GRPEL1: variants seen among roughly 807,000 people sequenced by gnomAD.
The protein encoded by GRPEL1 is grpE protein homolog 1, mitochondrial.
Under a neutral mutation model 22.1 loss-of-function variants are expected in GRPEL1, and 13 were observed. The observed-to-expected ratio is 0.59, with a 90% CI of 0.38 to 0.94. GRPEL1 has a LOEUF of 0.94. Among genes scored for constraint, GRPEL1 ranks in the 40% least tolerant of loss-of-function variants. The pLI, the probability that GRPEL1 is intolerant of heterozygous loss-of-function variation, is 0.00. For synonymous variants in GRPEL1, 109 were observed against 105.3 expected, an observed-to-expected ratio of 1.03 and a Z score of -0.21; for missense variants, 289 against 264.6, an observed-to-expected ratio of 1.09 and a Z score of -0.64.
intron 1 of GRPEL1, among the ~76,000 whole-genome samples, chr4:7,066,706 C>T (rs1456038119): frequency 2.0e-5 from 3 of 152,186 alleles, no homozygotes; most frequent in Admixed American, 6.5e-5. Flanking sequence ...GACCCCTTTC[C>T]GAAGCACAGC....
rs76287630 is a variant in GRPEL1, at chr4:7,063,109, T to C, written c.226-643A>G. On this transcript the variant is annotated intron_variant, in intron 2 of 3. Transcript: ENST00000264954. ...ACTCATCTGAGCCTTTTTTTTTTTT[T>C]TCTGAGACAGGGTCTTGCTCTATCA... is the stretch of plus-strand genomic sequence containing the variant. Among the ~76,000 whole-genome samples, 14 of 152,146 alleles carry C rather than the reference T, an allele frequency of 9.2e-5. 1 individual carries two copies. In the East Asian group the frequency reaches 2.3e-3, roughly 25 times the overall value.
intron 1 of GRPEL1, among the ~76,000 whole-genome samples, chr4:7,065,457 T>C (rs1180352107): frequency 6.8e-6 from 1 of 147,318 alleles, no homozygotes; most frequent in Non-Finnish European, 1.5e-5. Context: ...CAGGTTGAGG[T>C]GAGCTGAGAT....
chr4:7,067,693 G>T, intron 1 of GRPEL1: 1 of 510,932 alleles, frequency 2.0e-6, no homozygotes, highest in Non-Finnish European at 3.4e-6. Flanking sequence ...GCGCACGTGG[G>T]CCACCGTACC....
At chr4:7,067,688 C>G in intron 1 of GRPEL1, 2 of 506,480 alleles carry the variant, frequency 3.9e-6, no homozygotes, top group Non-Finnish European at 3.5e-6. Flanking sequence ...CACACGCGCA[C>G]GTGGGCCACC....
intron 2 of GRPEL1, among the ~76,000 whole-genome samples, chr4:7,063,694 G>A (rs1294670695): frequency 1.3e-5 from 2 of 152,196 alleles, no homozygotes; most frequent in Non-Finnish European, 2.9e-5. Context: ...ACCTGCCTAT[G>A]AGAGCATCAC....
intron 1 of GRPEL1, among the ~76,000 whole-genome samples, chr4:7,066,654 G>A (rs1338752007): frequency 3.3e-5 from 5 of 152,186 alleles, no homozygotes; most frequent in African/African-American, 1.2e-4. Flanking sequence ...TCTGCCTGGG[G>A]GTGTGACAGC....
chr4:7,062,804 G>A (rs900598906), intron 2 of GRPEL1, among the ~76,000 whole-genome samples: 1 of 152,138 alleles, frequency 6.6e-6, no homozygotes, highest in Non-Finnish European at 1.5e-5. Context: ...GGGCCACCAT[G>A]CCTGGCCGGG....
In GRPEL1 at chr4:7,062,465, T is replaced by A; in HGVS notation, c.227A>T (p.Glu76Val). 6.7e-7 allele frequency: 1 copy of A among 1,493,208 alleles called. No individual in the cohort carries two copies. Among genetic ancestry groups the A allele is most frequent in the Non-Finnish European group, 9.1e-7 (1 of 1,103,070 alleles). The allele number at this position is 1,493,208 out of a possible 1,614,324, so 92.5% of individuals were successfully genotyped here. ...KLEEQLKETVEKYKRALADTE... is the reference protein window; with the variant it reads ...KLEEQLKETVVKYKRALADTE... ...GTCTGCCAAAGCTCGTTTATATTTTTCCTAAAAGAGAAAAAAAGGGATATT... is the reference window on the plus strand; with the variant it reads ...GTCTGCCAAAGCTCGTTTATATTTTACCTAAAAGAGAAAAAAAGGGATATT... The change falls in exon 3 of 4, where the codon GAA becomes GTA. Residue 76 changes from glutamate to valine, a missense_variant and splice_region_variant. Coordinates refer to ENST00000264954, the MANE Select transcript of GRPEL1 (RefSeq NM_025196.4).
At chr4:7,065,010 C>T (rs528078259) in intron 1 of GRPEL1, among the ~76,000 whole-genome samples, 3 of 152,222 alleles carry the variant, frequency 2.0e-5, no homozygotes, top group African/African-American at 7.2e-5. Flanking sequence ...TGTCAATGTG[C>T]CAAGTTACAG....
intron 1 of GRPEL1, among the ~76,000 whole-genome samples, chr4:7,064,579 C>A (rs990002463): frequency 3.3e-5 from 5 of 152,024 alleles, no homozygotes; most frequent in Admixed American, 6.6e-5. Context: ...GTCACCCAAA[C>A]TGAAGTGCAG....
chr4:7,062,338 C>A (rs1173903200), intron 3 of GRPEL1, 47 bp downstream of exon 3: 3 of 995,856 alleles, frequency 3.0e-6, no homozygotes, highest in African/African-American at 3.2e-5. Flanking sequence ...CCTTCCCCAC[C>A]CCATTATCTT....
In GRPEL1 at chr4:7,062,405, A is replaced by G; in HGVS notation, c.287T>C (p.Val96Ala). 1 of 1,582,908 alleles carries G rather than the reference A, an allele frequency of 6.3e-7. No individual in the cohort carries two copies. The highest frequency in any genetic ancestry group is 8.6e-7 in the Non-Finnish European group (1 of 1,158,830). ...ENLRQRSQKL[V>A]EEAKLYGIQA... ...AGTACCGTATAATTTTGCCTCCTCCACCAATTTCTGGCTCCTCTGCCGTAA... is the reference window on the plus strand; with the variant it reads ...AGTACCGTATAATTTTGCCTCCTCCGCCAATTTCTGGCTCCTCTGCCGTAA... The change falls in exon 3 of 4, where the codon GTG becomes GCG. Residue 96 changes from valine (V) to alanine (A), a missense_variant. Transcript: ENST00000264954.
In GRPEL1 at chr4:7,060,700, T is replaced by C; in HGVS notation, c.*162A>G. On this transcript the variant is annotated 3_prime_UTR_variant, in exon 4 of 4. Coordinates refer to ENST00000264954, the MANE Select transcript of GRPEL1 (RefSeq NM_025196.4). ...GAACAGACTCCCGAATTAGAGTTCATTAATGCAGTTGGGCAACCGGCTTTT... is the reference window on the plus strand; with the variant it reads ...GAACAGACTCCCGAATTAGAGTTCACTAATGCAGTTGGGCAACCGGCTTTT... The C allele has an allele frequency of 1.5e-6, 1 of 674,888 alleles. No homozygotes were observed. Among genetic ancestry groups the C allele is most frequent in the Non-Finnish European group, 2.6e-6 (1 of 384,904 alleles). 41.8% of individuals were successfully genotyped at this position (674,888 alleles called of 1,614,324 possible). A position where few individuals can be genotyped will look rare whatever the true frequency, so the allele number is the denominator to read the frequency against.
rs942726617 is a variant in GRPEL1 at position 7,060,543 on chromosome 4, A to G, written c.*319T>C. On this transcript the variant is annotated 3_prime_UTR_variant, in exon 4 of 4. Coordinates refer to ENST00000264954, the MANE Select transcript of GRPEL1 (RefSeq NM_025196.4). ...CAAACAGAATTCCCCAAGACCTTTTATTTGTTTAAAATACTTTGGTGTCAG... is the reference window on the plus strand; with the variant it reads ...CAAACAGAATTCCCCAAGACCTTTTGTTTGTTTAAAATACTTTGGTGTCAG... 3.2e-5 allele frequency: 10 copies of G among 313,272 alleles called. No homozygotes were observed. Among genetic ancestry groups the G allele is most frequent in the Non-Finnish European group, 5.9e-5 (10 of 169,180 alleles). 19.4% of individuals were successfully genotyped at this position (313,272 alleles called of 1,614,324 possible). A position where few individuals can be genotyped will look rare whatever the true frequency, so the allele number is the denominator to read the frequency against.
At chr4:7,064,903 T>C (rs1312602988) in intron 1 of GRPEL1, among the ~76,000 whole-genome samples, 1 of 152,106 alleles carries the variant, frequency 6.6e-6, no homozygotes, top group African/African-American at 2.4e-5. Flanking sequence ...CAAGTGTTCC[T>C]CCCACCTCAG....
rs985391268 is a variant in GRPEL1 at position 7,060,799 on chromosome 4, C to CA, written c.*62dup. On this transcript the variant is annotated 3_prime_UTR_variant, in exon 4 of 4. Transcript: ENST00000264954. ...GTCACACGTACTCATAGATGAGAAA[C>CA]AATGAACCAGCCTTGAGAGTTACAT... 5 of 1,407,808 alleles carry CA rather than the reference C, an allele frequency of 3.6e-6. No homozygotes were observed. Among genetic ancestry groups the CA allele is most frequent in the Non-Finnish European group, 4.9e-6 (5 of 1,024,996 alleles). 87.2% of individuals were successfully genotyped at this position (1,407,808 alleles called of 1,614,324 possible).
chr4:7,062,303 G>A, intron 3 of GRPEL1, 82 bp downstream of exon 3: 2 of 568,816 alleles, frequency 3.5e-6, no homozygotes, highest in Non-Finnish European at 6.3e-6. Flanking sequence ...CTTGCTCTCT[G>A]ACACTTCCGT....
chr4:7,064,154 C>A lies in GRPEL1; in HGVS notation c.132G>T (p.Met44Ile), dbSNP rs757011343. The change falls in exon 2 of 4, where the codon ATG (methionine) becomes ATT (isoleucine). Residue 44 changes from methionine (M) to isoleucine (I), a missense_variant. Coordinates refer to ENST00000264954, the MANE Select transcript of GRPEL1 (RefSeq NM_025196.4). Reference protein sequence around the residue: ...KNSGQNLEEDMGQSEQKADPP... With the variant: ...KNSGQNLEEDIGQSEQKADPP... ...GATCTGCCTTCTGTTCACTCTGACCCATGTCCTCTTCCAGGTTCTGGCCAC... is the reference window on the plus strand; with the variant it reads ...GATCTGCCTTCTGTTCACTCTGACCAATGTCCTCTTCCAGGTTCTGGCCAC... 6.2e-7 allele frequency: 1 copy of A among 1,614,202 alleles called. No homozygotes were observed. The highest frequency in any genetic ancestry group is 1.1e-5 in the South Asian group (1 of 91,080).
intron 2 of GRPEL1, among the ~76,000 whole-genome samples, chr4:7,062,813 G>A (rs1577221604): frequency 6.6e-6 from 1 of 152,140 alleles, no homozygotes. Flanking sequence ...TGCCTGGCCG[G>A]GAGATTTATA....
Sources: allele counts gnomAD v4.1 joint callset (sites outside exome capture counted in the v4.1 genomes callset), GRCh38; gene constraint gnomAD v4.1.1; transcripts MANE v1.5; gene names NCBI Gene and HGNC (gene_info 2026-07-23, HGNC 2026-07-21).